CLSTN2: variants seen among roughly 807,000 people sequenced by gnomAD.
CLSTN2 encodes calsyntenin 2.
Under a neutral mutation model 101.2 loss-of-function variants are expected in CLSTN2, and 48 were observed. The observed-to-expected ratio is 0.47, with a 90% CI of 0.38 to 0.60. The LOEUF is 0.60. Among genes scored for constraint, CLSTN2 ranks in the 20% least tolerant of loss-of-function variants. CLSTN2 has a pLI of 0.00. For synonymous variants in CLSTN2, 481 were observed against 463.6 expected (o/e 1.04, Z -0.48); for missense variants, 1,160 against 1,238.2 (o/e 0.94, Z 0.95).
At chr3:140,396,447 A>G (rs1223064543) in intron 2 of CLSTN2, among the ~76,000 whole-genome samples, 2 of 152,100 alleles carry the variant, frequency 1.3e-5, no homozygotes, top group Admixed American at 1.3e-4. Context: ...GAGGTGTGTG[A>G]CTTTTCTTCA....
At chr3:140,275,336 A>C (rs751563263) in intron 2 of CLSTN2, among the ~76,000 whole-genome samples, 37 of 151,364 alleles carry the variant, frequency 2.4e-4, no homozygotes, top group Non-Finnish European at 4.0e-4. Flanking sequence ...GCAGCAGCAC[A>C]CTCAGAGCTC....
chr3:140,024,690 TGGAGAACTTA>T (rs900116450), intron 1 of CLSTN2, among the ~76,000 whole-genome samples: 2 of 152,128 alleles, frequency 1.3e-5, no homozygotes, highest in African/African-American at 2.4e-5. Flanking sequence ...GTTTGACTGA[TGGAGAACTTA>T]GGAGAACTTA....
At chr3:140,230,557 A>G (rs1480114124) in intron 2 of CLSTN2, among the ~76,000 whole-genome samples, 1 of 152,170 alleles carries the variant, frequency 6.6e-6, no homozygotes, top group African/African-American at 2.4e-5. Flanking sequence ...GCCTTTATAA[A>G]ACAGACCCCA....
chr3:140,053,945 G>A (rs1166131780), intron 1 of CLSTN2, among the ~76,000 whole-genome samples: 1 of 152,166 alleles, frequency 6.6e-6, no homozygotes, highest in Non-Finnish European at 1.5e-5. Flanking sequence ...GCACATGTTT[G>A]CCAGTTGCCA....
intron 5 of CLSTN2, among the ~76,000 whole-genome samples, chr3:140,427,107 T>C (rs1348190360): frequency 1.4e-5 from 2 of 147,842 alleles, no homozygotes; most frequent in African/African-American, 5.2e-5. Flanking sequence ...ACCTGGGAAG[T>C]GGAGGTTGCA....
At chr3:139,960,335 ATT>A (rs1444641794) in intron 1 of CLSTN2, among the ~76,000 whole-genome samples, 1 of 151,882 alleles carries the variant, frequency 6.6e-6, no homozygotes, top group African/African-American at 2.4e-5. Flanking sequence ...AGCCCCCCAC[ATT>A]TCCCTTTCAG....
chr3:140,519,711 C>T (rs28838014), intron 8 of CLSTN2, among the ~76,000 whole-genome samples: 122 of 151,808 alleles, frequency 8.0e-4, no homozygotes, highest in African/African-American at 2.5e-3. Context: ...TGACTTTGTA[C>T]GTGAGGTGGG....
intron 2 of CLSTN2, among the ~76,000 whole-genome samples, chr3:140,293,341 C>G (rs1318981599): frequency 6.6e-6 from 1 of 152,134 alleles, no homozygotes; most frequent in Non-Finnish European, 1.5e-5. Flanking sequence ...ACACTCTGGT[C>G]ATTCCTACTT....
At chr3:139,941,547 A>G (rs1162903413) in intron 1 of CLSTN2, among the ~76,000 whole-genome samples, 2 of 152,232 alleles carry the variant, frequency 1.3e-5, no homozygotes, top group African/African-American at 4.8e-5. Context: ...GAACTTGGTG[A>G]CTTATGGGAA....
chr3:140,115,311 T>C (rs532017676), intron 1 of CLSTN2, among the ~76,000 whole-genome samples: 28 of 151,782 alleles, frequency 1.8e-4, no homozygotes, highest in African/African-American at 6.6e-4. Context: ...AAAAGATACA[T>C]AGATTTTTCT....
intron 8 of CLSTN2, among the ~76,000 whole-genome samples, chr3:140,531,939 A>ACAC (rs999384318): frequency 4.6e-5 from 7 of 152,246 alleles, no homozygotes; most frequent in Admixed American, 4.6e-4. Context: ...GGAAATTTTG[A>ACAC]CACAAGATTC....
At chr3:140,397,789 AC>A (rs2088199394) in intron 2 of CLSTN2, among the ~76,000 whole-genome samples, 1 of 152,236 alleles carries the variant, frequency 6.6e-6, no homozygotes, top group African/African-American at 2.4e-5. Flanking sequence ...GCACGTTGTT[AC>A]ATTAAAATCC....
intron 2 of CLSTN2, among the ~76,000 whole-genome samples, chr3:140,206,339 G>C (rs1036507949): frequency 3.3e-5 from 5 of 152,202 alleles, no homozygotes; most frequent in African/African-American, 9.6e-5. Flanking sequence ...GCCCTGCAGA[G>C]CTCCTCAGCT....
chr3:140,172,092 C>G (rs1156249908), intron 1 of CLSTN2, among the ~76,000 whole-genome samples: 1 of 150,854 alleles, frequency 6.6e-6, no homozygotes, highest in Non-Finnish European at 1.5e-5. Context: ...GCATATGTGA[C>G]CACACCTTTT....
chr3:140,456,464 C>T (rs1933401098), intron 6 of CLSTN2, among the ~76,000 whole-genome samples: 1 of 152,166 alleles, frequency 6.6e-6, no homozygotes, highest in Admixed American at 6.6e-5. Context: ...AGTAAGGGTT[C>T]ATAGGAAAAC....
intron 2 of CLSTN2, among the ~76,000 whole-genome samples, chr3:140,276,642 G>T (rs1381316756): frequency 2.6e-5 from 4 of 152,128 alleles, no homozygotes; most frequent in African/African-American, 9.7e-5. Context: ...CCATTTCACT[G>T]GGGACCCTGT....
intron 1 of CLSTN2, among the ~76,000 whole-genome samples, chr3:140,011,078 T>A (rs922114613): frequency 6.6e-6 from 1 of 152,144 alleles, no homozygotes; most frequent in Non-Finnish European, 1.5e-5. Flanking sequence ...ATAAACAGGT[T>A]GCTGGCCTCA....
At chr3:140,436,796 T>TG (rs1473326260) in intron 5 of CLSTN2, among the ~76,000 whole-genome samples, 1 of 152,200 alleles carries the variant, frequency 6.6e-6, no homozygotes, top group Non-Finnish European at 1.5e-5. Context: ...TGGTGGAGGT[T>TG]GGTATTTAGG....
intron 2 of CLSTN2, among the ~76,000 whole-genome samples, chr3:140,323,695 A>C (rs2087305417): frequency 6.6e-6 from 1 of 152,212 alleles, no homozygotes; most frequent in South Asian, 2.1e-4. Context: ...TTATTATGGT[A>C]TGTCTTGGTT....
Sources: gnomAD v4.1 joint callset for allele counts (sites outside exome capture counted in the v4.1 genomes callset) on GRCh38, gnomAD v4.1.1 for gene constraint, MANE v1.5 for transcripts, NCBI Gene and HGNC (gene_info 2026-07-23, HGNC 2026-07-21) for gene names.